The following KCNIP4 variants were observed in gnomAD, a reference collection of about 807,000 sequenced individuals.
KCNIP4 encodes potassium voltage-gated channel interacting protein 4.
Under a neutral mutation model 34.0 loss-of-function variants are expected in KCNIP4, and 12 were observed. That is an observed-to-expected ratio of 0.35 (90% confidence interval 0.23 to 0.57). KCNIP4 has a LOEUF of 0.57. KCNIP4 is among the 20% of genes least tolerant of loss of function. The pLI, the probability that KCNIP4 is intolerant of heterozygous loss-of-function variation, is 0.83. For synonymous variants in KCNIP4, 124 were observed against 102.2 expected (o/e 1.21, Z -1.29); for missense variants, 238 against 311.7 (o/e 0.76, Z 1.78).
At chr4:21,146,091 GA>G (rs1202364082) in intron 1 of KCNIP4, among the ~76,000 whole-genome samples, 1 of 152,128 alleles carries the variant, frequency 6.6e-6, no homozygotes, top group African/African-American at 2.4e-5. Flanking sequence ...CTATGAAAGA[GA>G]AAAATCCTTA....
intron 3 of KCNIP4, among the ~76,000 whole-genome samples, chr4:20,779,039 A>C (rs1756618453): frequency 6.6e-6 from 1 of 152,128 alleles, no homozygotes; most frequent in African/African-American, 2.4e-5. Flanking sequence ...TATAAAGAGG[A>C]ATCAAGATAT....
intron 1 of KCNIP4, among the ~76,000 whole-genome samples, chr4:21,932,364 G>T (rs567405057): frequency 6.6e-6 from 1 of 152,180 alleles, no homozygotes; most frequent in East Asian, 1.9e-4. Flanking sequence ...ACAGTAACTG[G>T]CCTGAAGCCT....
chr4:21,706,994 T>C (rs1223427453), intron 1 of KCNIP4, among the ~76,000 whole-genome samples: 2 of 152,144 alleles, frequency 1.3e-5, no homozygotes, highest in African/African-American at 4.8e-5. Context: ...GTTCCCCTAC[T>C]TCACTGAGTA....
At chr4:21,779,930 CAAA>C (rs10564487) in intron 1 of KCNIP4, among the ~76,000 whole-genome samples, 18,789 of 138,260 alleles carry the variant, frequency 0.14, 1,246 homozygotes, top group African/African-American at 0.16. Flanking sequence ...GATCCTGTCT[CAAA>C]AAAAAAAAAA....
intron 1 of KCNIP4, among the ~76,000 whole-genome samples, chr4:21,553,044 G>A (rs1738705475): frequency 6.6e-6 from 1 of 151,822 alleles, no homozygotes; most frequent in South Asian, 2.1e-4. Flanking sequence ...GGTTGAGGGG[G>A]GAGTCTCTCT....
chr4:21,822,835 A>G (rs1248347889), intron 1 of KCNIP4, among the ~76,000 whole-genome samples: 1 of 149,976 alleles, frequency 6.7e-6, no homozygotes, highest in Non-Finnish European at 1.5e-5. Context: ...CTCTTGCCTC[A>G]GCCTTCTGAG....
chr4:21,572,872 T>C (rs1316562970), intron 1 of KCNIP4, among the ~76,000 whole-genome samples: 1 of 152,100 alleles, frequency 6.6e-6, no homozygotes, highest in African/African-American at 2.4e-5. Context: ...GGTGATCCAC[T>C]GGCCTCTGGC....
At chr4:21,775,449 C>G (rs1451120873) in intron 1 of KCNIP4, among the ~76,000 whole-genome samples, 1 of 152,156 alleles carries the variant, frequency 6.6e-6, no homozygotes, top group Non-Finnish European at 1.5e-5. Context: ...CTGAGTGGCA[C>G]AAGGAGCAGG....
At chr4:21,648,597 C>T (rs1479829362) in intron 1 of KCNIP4, among the ~76,000 whole-genome samples, 2 of 152,092 alleles carry the variant, frequency 1.3e-5, no homozygotes, top group African/African-American at 4.8e-5. Flanking sequence ...CAGTCGTTTA[C>T]ATCAATTTCA....
chr4:21,306,363 C>T (rs1333572913), intron 1 of KCNIP4, among the ~76,000 whole-genome samples: 1 of 152,200 alleles, frequency 6.6e-6, no homozygotes, highest in Non-Finnish European at 1.5e-5. Context: ...ATCCCCCACA[C>T]TGTTTTGTGA....
intron 1 of KCNIP4, among the ~76,000 whole-genome samples, chr4:21,640,755 A>G (rs1190218293): frequency 1.3e-5 from 2 of 152,084 alleles, no homozygotes; most frequent in African/African-American, 4.8e-5. Flanking sequence ...ATGACCCAAA[A>G]AGCTGCTAAC....
At chr4:20,742,597 C>T (rs1751394760) in intron 5 of KCNIP4, among the ~76,000 whole-genome samples, 2 of 152,140 alleles carry the variant, frequency 1.3e-5, no homozygotes, top group Non-Finnish European at 2.9e-5. Flanking sequence ...GGCAAACCCA[C>T]AGCCAATATC....
At chr4:20,758,972 C>T (rs577496333) in intron 3 of KCNIP4, 82 bp from the exon 4 acceptor site, 42 of 1,054,406 alleles carry the variant, frequency 4.0e-5, no homozygotes, top group Non-Finnish European at 5.9e-5. Context: ...ACAGAACTGT[C>T]TACCATGCAA....
intron 3 of KCNIP4, among the ~76,000 whole-genome samples, chr4:20,847,987 C>G (rs964122469): frequency 6.6e-6 from 1 of 152,112 alleles, no homozygotes; most frequent in Non-Finnish European, 1.5e-5. Flanking sequence ...GCTGCTTCAG[C>G]TTACTACCAT....
chr4:21,826,299 A>C (rs1722673896), intron 1 of KCNIP4, among the ~76,000 whole-genome samples: 1 of 152,162 alleles, frequency 6.6e-6, no homozygotes, highest in Non-Finnish European at 1.5e-5. Context: ...CAAGCATGGA[A>C]TGTTAACTGA....
chr4:21,403,534 C>G (rs1723716672), intron 1 of KCNIP4, among the ~76,000 whole-genome samples: 1 of 152,172 alleles, frequency 6.6e-6, no homozygotes, highest in Non-Finnish European at 1.5e-5. Context: ...CATTCCTCCA[C>G]TTTTCATCTA....
intron 1 of KCNIP4, among the ~76,000 whole-genome samples, chr4:21,666,132 T>C (rs1748936792): frequency 6.6e-6 from 1 of 152,216 alleles, no homozygotes; most frequent in African/African-American, 2.4e-5. Flanking sequence ...GTTAAGAAGT[T>C]ACCTGAAAGA....
intron 1 of KCNIP4, among the ~76,000 whole-genome samples, chr4:21,107,508 G>A (rs1383565921): frequency 2.0e-5 from 3 of 150,668 alleles, no homozygotes; most frequent in Non-Finnish European, 4.4e-5. Context: ...CACATGAGAT[G>A]GGTTTCCTGA....
chr4:21,917,452 T>G (rs541532303), intron 1 of KCNIP4, among the ~76,000 whole-genome samples: 4 of 152,278 alleles, frequency 2.6e-5, no homozygotes, highest in South Asian at 4.1e-4. Context: ...GGTATTTTTA[T>G]GCATTACTAA....
Sources: gnomAD v4.1 joint callset for allele counts (sites outside exome capture counted in the v4.1 genomes callset) on GRCh38, gnomAD v4.1.1 for gene constraint, MANE v1.5 for transcripts, NCBI Gene and HGNC (gene_info 2026-07-23, HGNC 2026-07-21) for gene names.